Variants in LYPLAL1 observed in about 807,000 individuals in gnomAD.
LYPLAL1 encodes the protein lysophospholipase like 1, also known as lysophospholipase-like protein 1.
A neutral mutation model predicts 19.7 loss-of-function variants in LYPLAL1; 23 were observed. That is an observed-to-expected ratio of 1.17 (90% CI 0.84 to 1.65). The LOEUF (loss-of-function observed/expected upper bound fraction) is 1.65, where lower values mean the gene tolerates loss of function less well. LYPLAL1 is among the 40% of genes most tolerant of loss of function. The pLI is 0.00. For missense variants in LYPLAL1, 355 were observed against 279.4 expected (o/e 1.27, Z -1.93); for synonymous variants, 119 against 96.3 (o/e 1.24, Z -1.38).
chr1:219,214,681 T>C (rs1659223852), downstream of LYPLAL1, among the ~76,000 whole-genome samples: 1 of 118,040 alleles, frequency 8.5e-6, no homozygotes, highest in African/African-American at 3.1e-5. Context: ...CCAGCAATTT[T>C]TCTTTTCTTT....
At chr1:219,281,009 A>T in the LYPLAL1 span, among the ~76,000 whole-genome samples, 28 of 152,210 alleles carry the variant, frequency 1.8e-4, no homozygotes, top group African/African-American at 6.8e-4. Context: ...AGATCGCACC[A>T]CTGCATTCCA....
chr1:219,310,180 T>C, the LYPLAL1 span, among the ~76,000 whole-genome samples: 17 of 152,194 alleles, frequency 1.1e-4, no homozygotes, highest in African/African-American at 2.9e-4. Context: ...CCTCCCTGTG[T>C]TGTTGAGAAG....
At chr1:219,258,593 T>C in the LYPLAL1 span, among the ~76,000 whole-genome samples, 2 of 152,126 alleles carry the variant, frequency 1.3e-5, no homozygotes, top group Middle Eastern at 3.2e-3. Flanking sequence ...TGACAGTTTT[T>C]ATCTTTATAC....
At chr1:219,210,045 T>A (rs551138400) in intron 3 of LYPLAL1, among the ~76,000 whole-genome samples, 1 of 151,632 alleles carries the variant, frequency 6.6e-6, no homozygotes, top group African/African-American at 2.4e-5. Flanking sequence ...GCTCCTCAAA[T>A]TTTTTTTATC....
chr1:219,360,865 A>G, the LYPLAL1 span, among the ~76,000 whole-genome samples: 1 of 152,194 alleles, frequency 6.6e-6, no homozygotes, highest in Non-Finnish European at 1.5e-5. Flanking sequence ...GGACTTCTCT[A>G]CTGGAGAAGA....
chr1:219,259,439 A>G, the LYPLAL1 span, among the ~76,000 whole-genome samples: 5 of 144,956 alleles, frequency 3.4e-5, no homozygotes, highest in East Asian at 7.8e-4. Context: ...ATGTATATAT[A>G]CCATGGAATA....
At chr1:219,216,526 T>G (rs1158550828), downstream of LYPLAL1, among the ~76,000 whole-genome samples, 4 of 152,164 alleles carry the variant, frequency 2.6e-5, no homozygotes, top group Non-Finnish European at 5.9e-5. Context: ...ATACTCTATA[T>G]GATACTGTCT....
At chr1:219,262,753 A>G in the LYPLAL1 span, among the ~76,000 whole-genome samples, 1 of 152,192 alleles carries the variant, frequency 6.6e-6, no homozygotes, top group Non-Finnish European at 1.5e-5. Flanking sequence ...GGAGGGAAGT[A>G]GACTCTGTGA....
At chr1:219,316,110 A>G in the LYPLAL1 span, among the ~76,000 whole-genome samples, 12 of 152,182 alleles carry the variant, frequency 7.9e-5, no homozygotes, top group African/African-American at 2.9e-4. Flanking sequence ...AGCTCAGTTG[A>G]TGAAGGCTGG....
chr1:219,220,244 C>T, the LYPLAL1 span, among the ~76,000 whole-genome samples: 17 of 152,172 alleles, frequency 1.1e-4, no homozygotes, highest in South Asian at 4.1e-4. Context: ...GGGTACTTGG[C>T]GAGTAATGTA....
At chr1:219,417,722 T>C in the LYPLAL1 span, among the ~76,000 whole-genome samples, 1 of 152,242 alleles carries the variant, frequency 6.6e-6, no homozygotes, top group East Asian at 1.9e-4. Context: ...TGCAGAGTCT[T>C]TTCATGACCA....
the LYPLAL1 span, among the ~76,000 whole-genome samples, chr1:219,241,788 T>C: frequency 6.6e-6 from 1 of 152,196 alleles, no homozygotes; most frequent in African/African-American, 2.4e-5. Context: ...TTGGCAGATT[T>C]TCAGAAACAG....
intron 1 of LYPLAL1, 23 bp from the exon 2 acceptor site, chr1:219,179,124 A>G (rs746941485): frequency 2.0e-6 from 3 of 1,509,252 alleles, no homozygotes; most frequent in Non-Finnish European, 2.7e-6. Flanking sequence ...ATTTATTTTA[A>G]TCTAGATTTT....
At chr1:219,430,074 G>T in the LYPLAL1 span, among the ~76,000 whole-genome samples, 1 of 152,036 alleles carries the variant, frequency 6.6e-6, no homozygotes, top group Non-Finnish European at 1.5e-5. Context: ...CAGGCAGATC[G>T]CTTGAACACA....
the LYPLAL1 span, among the ~76,000 whole-genome samples, chr1:219,354,466 GA>G: frequency 6.6e-6 from 1 of 152,228 alleles, no homozygotes; most frequent in African/African-American, 2.4e-5. Context: ...AAAGTGCTGG[GA>G]TTATTGGCGT....
At chr1:219,367,567 C>G in the LYPLAL1 span, among the ~76,000 whole-genome samples, 2 of 151,822 alleles carry the variant, frequency 1.3e-5, no homozygotes, top group Admixed American at 1.3e-4. Context: ...TAAACACACT[C>G]TTTGAGGCCA....
intron 3 of LYPLAL1, among the ~76,000 whole-genome samples, chr1:219,201,701 A>T (rs373030889): frequency 1.1e-4 from 16 of 152,316 alleles, no homozygotes; most frequent in African/African-American, 3.4e-4. Context: ...GTGCAAAGGC[A>T]GTCATGTTTG....
the LYPLAL1 span, among the ~76,000 whole-genome samples, chr1:219,321,560 T>A: frequency 6.6e-6 from 1 of 152,092 alleles, no homozygotes; most frequent in African/African-American, 2.4e-5. Context: ...TCTTTTAGAG[T>A]TTTTATGGTT....
chr1:219,348,513 G>A, the LYPLAL1 span, among the ~76,000 whole-genome samples: 1 of 152,186 alleles, frequency 6.6e-6, no homozygotes, highest in African/African-American at 2.4e-5. Flanking sequence ...AGATTTTCAA[G>A]AAAGAATATG....
Sources: allele counts gnomAD v4.1 joint callset (sites outside exome capture counted in the v4.1 genomes callset), GRCh38; gene constraint gnomAD v4.1.1; transcripts MANE v1.5; gene names NCBI Gene and HGNC (gene_info 2026-07-23, HGNC 2026-07-21).